The following CAB39L variants were observed in gnomAD, a reference collection of about 807,000 sequenced individuals.
The protein encoded by CAB39L is calcium binding protein 39 like, also known as calcium-binding protein 39-like.
A neutral mutation model predicts 39.1 loss-of-function variants in CAB39L; 23 were observed. The observed-to-expected ratio is 0.59, with a 90% CI of 0.42 to 0.83. CAB39L has a LOEUF of 0.83. CAB39L is among the 40% of genes least tolerant of loss of function. The pLI, the probability that CAB39L is intolerant of heterozygous loss-of-function variation, is 0.00. For synonymous variants in CAB39L, 126 were observed against 137.2 expected, an observed-to-expected ratio of 0.92 and a Z score of 0.57; for missense variants, 366 against 391.9, an observed-to-expected ratio of 0.93 and a Z score of 0.56.
chr13:49,399,883 T>C (rs1956725683), intron 3 of CAB39L, among the ~76,000 whole-genome samples: 1 of 152,102 alleles, frequency 6.6e-6, no homozygotes, highest in African/African-American at 2.4e-5. Context: ...ATGTTTACTT[T>C]TAAGTGCAAG....
At chr13:49,346,066 T>C (rs1428174748) in intron 7 of CAB39L, among the ~76,000 whole-genome samples, 1 of 116,824 alleles carries the variant, frequency 8.6e-6, no homozygotes, top group Non-Finnish European at 1.8e-5. Flanking sequence ...AGCATATATA[T>C]ATATGCTAGA....
chr13:49,391,124 G>A (rs766713909), intron 3 of CAB39L, among the ~76,000 whole-genome samples: 23 of 152,180 alleles, frequency 1.5e-4, no homozygotes, highest in Non-Finnish European at 2.8e-4. Context: ...AAAATCTAGA[G>A]TGGCACCTAA....
At chr13:49,415,504 G>C (rs192956656) in intron 3 of CAB39L, among the ~76,000 whole-genome samples, 243 of 147,846 alleles carry the variant, frequency 1.6e-3, no homozygotes, top group African/African-American at 5.8e-3. Context: ...CTGGGTGACA[G>C]AGCAAGACTC....
At chr13:49,423,555 C>CA (rs1318245837) in intron 3 of CAB39L, among the ~76,000 whole-genome samples, 1 of 149,094 alleles carries the variant, frequency 6.7e-6, no homozygotes, top group African/African-American at 2.5e-5. Flanking sequence ...CCCATCCCTA[C>CA]AAAAAATAAA....
At chr13:49,419,248 G>A (rs9591259) in intron 3 of CAB39L, among the ~76,000 whole-genome samples, 60,678 of 152,094 alleles carry the variant, frequency 0.4, 12,794 homozygotes, top group Non-Finnish European at 0.47. Context: ...GATTACAGGC[G>A]TGAACCACCC....
intron 6 of CAB39L, among the ~76,000 whole-genome samples, chr13:49,356,242 T>C (rs1394745843): frequency 1.3e-5 from 2 of 152,180 alleles, no homozygotes; most frequent in Non-Finnish European, 2.9e-5. Flanking sequence ...ACAAAATAAC[T>C]GCCAAAATGA....
chr13:49,354,000 T>C (rs957176651), intron 6 of CAB39L, among the ~76,000 whole-genome samples: 11 of 152,224 alleles, frequency 7.2e-5, no homozygotes, highest in African/African-American at 2.7e-4. Flanking sequence ...CTCTGACGTA[T>C]ACAAAATATG....
At chr13:49,354,040 C>G (rs1270478656) in intron 6 of CAB39L, among the ~76,000 whole-genome samples, 1 of 152,202 alleles carries the variant, frequency 6.6e-6, no homozygotes, top group Non-Finnish European at 1.5e-5. Context: ...TTTCTCATTT[C>G]TTAATTCAAT....
intron 3 of CAB39L, among the ~76,000 whole-genome samples, chr13:49,400,237 C>G (rs1474933677): frequency 6.6e-6 from 1 of 152,158 alleles, no homozygotes; most frequent in East Asian, 1.9e-4. Context: ...TATCCTCATG[C>G]AGTGACTCAA....
chr13:49,341,378 G>A (rs1168379123), intron 8 of CAB39L, among the ~76,000 whole-genome samples: 1 of 151,694 alleles, frequency 6.6e-6, no homozygotes, highest in South Asian at 2.1e-4. Flanking sequence ...TCAGCCTCCC[G>A]AGTAGATGGG....
In CAB39L at chr13:49,317,705, A is replaced by G. The variant is rs77318629; in HGVS notation, c.835-6712T>C. 3.2e-3 allele frequency among the ~76,000 whole-genome samples: 491 copies of G among 152,334 alleles called. 1 individual carries two copies. The highest frequency in any genetic ancestry group is 0.011 in the African/African-American group (469 of 41,584). On this transcript the variant is annotated intron_variant, in intron 10 of 10. Coordinates refer to ENST00000409308, the MANE Select transcript of CAB39L (RefSeq NM_001079670.3). ...ACAGGGTAAATTTTCATAATGTTGG[A>G]TTTGGCAATGGTTTCTTAGATATGA...
intron 10 of CAB39L, among the ~76,000 whole-genome samples, chr13:49,318,805 A>G (rs1284661053): frequency 6.6e-6 from 1 of 151,584 alleles, no homozygotes; most frequent in African/African-American, 2.4e-5. Context: ...AATGGAATAC[A>G]TTGTTCAAAC....
At chr13:49,415,900 C>T (rs969916867) in intron 3 of CAB39L, among the ~76,000 whole-genome samples, 7 of 152,134 alleles carry the variant, frequency 4.6e-5, no homozygotes, top group African/African-American at 1.7e-4. Flanking sequence ...TGTCTCTAAT[C>T]ATAAGGAAAA....
At chr13:49,395,443 A>G (rs1956592316) in intron 3 of CAB39L, among the ~76,000 whole-genome samples, 1 of 152,022 alleles carries the variant, frequency 6.6e-6, no homozygotes, top group Admixed American at 6.6e-5. Flanking sequence ...CATGTTGGCC[A>G]GGCTGGTCTG....
intron 2 of CAB39L, among the ~76,000 whole-genome samples, chr13:49,433,660 C>T (rs1287409712): frequency 2.0e-5 from 3 of 152,090 alleles, no homozygotes; most frequent in Admixed American, 6.6e-5. Flanking sequence ...GGGTAAAGGG[C>T]GCTCTAGTAC....
Position 49,382,949 on chromosome 13 carries a change from CAAAT to C in CAB39L, c.-31-12_-31-9del, listed in dbSNP as rs748908499. 2.6e-5 allele frequency: 31 copies of C among 1,170,170 alleles called. No homozygotes were observed. Among genetic ancestry groups the C allele is most frequent in the African/African-American group, 2.0e-4 (13 of 64,752 alleles). The allele number at this position is 1,170,170 out of a possible 1,614,324, so 72.5% of individuals were successfully genotyped here. ...TTCTTCCAATATGGAATGCTAAAAA[CAAAT>C]AAGCCAACAAAAATTATAACTTTAA... On this transcript the variant is annotated splice_polypyrimidine_tract_variant and intron_variant, in intron 3 of 10. Transcript: ENST00000409308.
intron 10 of CAB39L, among the ~76,000 whole-genome samples, chr13:49,329,568 T>A (rs1203962873): frequency 0.067 from 4,416 of 65,516 alleles, 525 homozygotes; most frequent in African/African-American, 0.24. Flanking sequence ...TATATATATA[T>A]ATATATATAT....
At chr13:49,375,977 C>T (rs1297522485) in intron 5 of CAB39L, among the ~76,000 whole-genome samples, 1 of 152,206 alleles carries the variant, frequency 6.6e-6, no homozygotes, top group African/African-American at 2.4e-5. Context: ...GGACTGCACG[C>T]CTCCTGGCTC....
chr13:49,408,478 G>A (rs747186723), intron 3 of CAB39L, among the ~76,000 whole-genome samples: 7 of 152,110 alleles, frequency 4.6e-5, no homozygotes, highest in South Asian at 2.1e-4. Flanking sequence ...ACTGCAGTAC[G>A]AGAGAGACCA....
Sources: gnomAD v4.1 joint callset for allele counts (sites outside exome capture counted in the v4.1 genomes callset) on GRCh38, gnomAD v4.1.1 for gene constraint, MANE v1.5 for transcripts, NCBI Gene and HGNC (gene_info 2026-07-23, HGNC 2026-07-21) for gene names.